MAPK4: variants seen among roughly 807,000 people sequenced by gnomAD.
MAPK4 encodes mitogen-activated protein kinase 4.
MAPK4 carries 22 observed loss-of-function variants against 47.7 expected under a neutral mutation model. The ratio of observed to expected loss-of-function variants is 0.46; its 90% CI spans 0.33 to 0.66. The LOEUF (loss-of-function observed/expected upper bound fraction) is 0.66, where lower values mean the gene tolerates loss of function less well. Among genes scored for constraint, MAPK4 ranks in the 30% least tolerant of loss-of-function variants. The pLI is 0.02. For synonymous variants in MAPK4, 390 were observed against 365.7 expected, an observed-to-expected ratio of 1.07 and a Z score of -0.76; for missense variants, 736 against 831.7, an observed-to-expected ratio of 0.88 and a Z score of 1.42.
chr18:50,707,336 G>C (rs375680458), intron 2 of MAPK4, among the ~76,000 whole-genome samples: 1 of 152,120 alleles, frequency 6.6e-6, no homozygotes, highest in African/African-American at 2.4e-5. Flanking sequence ...GGAGGCTGAG[G>C]AGGCAGGTGG....
At chr18:50,646,143 C>G (rs2042986882) in intron 1 of MAPK4, among the ~76,000 whole-genome samples, 1 of 152,166 alleles carries the variant, frequency 6.6e-6, no homozygotes, top group Non-Finnish European at 1.5e-5. Context: ...TGGCAGAGGT[C>G]AGACTTGAGC....
chr18:50,723,159 A>G (rs1911019724), intron 4 of MAPK4, among the ~76,000 whole-genome samples: 1 of 152,180 alleles, frequency 6.6e-6, no homozygotes. Context: ...ATGGATGGGC[A>G]GGGGAGGATG....
intron 2 of MAPK4, among the ~76,000 whole-genome samples, chr18:50,673,178 G>A (rs1473525176): frequency 6.6e-6 from 1 of 152,234 alleles, no homozygotes; most frequent in Non-Finnish European, 1.5e-5. Flanking sequence ...TTGGGAGGCT[G>A]AGCCAGAAGA....
At chr18:50,585,232 C>G (rs950872522) in intron 1 of MAPK4, among the ~76,000 whole-genome samples, 18 of 152,166 alleles carry the variant, frequency 1.2e-4, no homozygotes, top group Non-Finnish European at 2.4e-4. Context: ...AAAAAGCTAG[C>G]CCTGTGGTTC....
intron 1 of MAPK4, among the ~76,000 whole-genome samples, chr18:50,661,542 A>T (rs1289474123): frequency 6.6e-6 from 1 of 152,172 alleles, no homozygotes. Flanking sequence ...ATCAGAATCG[A>T]TGTTTCTCAG....
chr18:50,705,010 G>T, intron 2 of MAPK4: 1 of 373,546 alleles, frequency 2.7e-6, no homozygotes, highest in Non-Finnish European at 4.7e-6. Context: ...CCTCCAGGTT[G>T]GTCCCAGGCA....
chr18:50,690,948 T>C (rs1214058616), intron 2 of MAPK4, among the ~76,000 whole-genome samples: 1 of 152,000 alleles, frequency 6.6e-6, no homozygotes, highest in Non-Finnish European at 1.5e-5. Context: ...AACAAAAGTC[T>C]GTCTTAACTG....
Position 50,623,093 on chromosome 18 carries a change from G to T in MAPK4, c.-870-39996G>T, listed in dbSNP as rs527892471. On this transcript the variant is annotated intron_variant, in intron 1 of 5. Coordinates refer to ENST00000400384, the MANE Select transcript of MAPK4 (RefSeq NM_002747.4). ...ATAGTGTGCTTCCCTTCCAGGAGTC[G>T]AAGTAGCTCTTTGGGTATCATTTGT... Among the ~76,000 whole-genome samples, 53 of 152,360 alleles carry T rather than the reference G, an allele frequency of 3.5e-4. 2 individuals carry two copies. In the South Asian group the frequency reaches 0.011, roughly 30 times the overall value.
At chr18:50,632,679 A>G (rs1283620238) in intron 1 of MAPK4, among the ~76,000 whole-genome samples, 1 of 137,146 alleles carries the variant, frequency 7.3e-6, no homozygotes, top group Non-Finnish European at 1.5e-5. Context: ...GAGTGCAGTG[A>G]TGCAATCTCG....
intron 2 of MAPK4, among the ~76,000 whole-genome samples, chr18:50,694,458 A>G (rs1339155196): frequency 6.6e-6 from 1 of 152,162 alleles, no homozygotes; most frequent in East Asian, 1.9e-4. Context: ...CTAAGAAAGC[A>G]TGTTTATTTT....
chr18:50,640,916 T>C (rs1021969411), intron 1 of MAPK4, among the ~76,000 whole-genome samples: 9 of 152,208 alleles, frequency 5.9e-5, no homozygotes, highest in African/African-American at 2.2e-4. Flanking sequence ...TGAAGGTACC[T>C]AGAAAAATAA....
chr18:50,719,355 AAAC>A (rs146350785), intron 3 of MAPK4, among the ~76,000 whole-genome samples: 23,076 of 151,410 alleles, frequency 0.15, 1,846 homozygotes, highest in South Asian at 0.21. Flanking sequence ...GTTAAAAACA[AAAC>A]AAAAAAAAAT....
intron 2 of MAPK4, among the ~76,000 whole-genome samples, chr18:50,675,175 G>A (rs1908187796): frequency 6.6e-6 from 1 of 152,212 alleles, no homozygotes; most frequent in African/African-American, 2.4e-5. Context: ...TGGCAGCGTT[G>A]GACTGCAAAG....
chr18:50,731,624 A>G lies in MAPK4; in HGVS notation c.*1770A>G, dbSNP rs746412379. 6.6e-6 allele frequency: 1 copy of G among 152,354 alleles called. No individual in the cohort carries two copies. Among genetic ancestry groups the G allele is most frequent in the Non-Finnish European group, 1.5e-5 (1 of 68,048 alleles). The allele number at this position is 152,354 out of a possible 1,614,324, so 9.4% of individuals were successfully genotyped here. A position where few individuals can be genotyped will look rare whatever the true frequency, so the allele number is the denominator to read the frequency against. ...TTTTTTCTTTAAGAAAAAGAAATGT[A>G]CACCACTCCTCATGTGCCATTTTGT... On this transcript the variant is annotated 3_prime_UTR_variant, in exon 6 of 6. Coordinates refer to ENST00000400384, the MANE Select transcript of MAPK4 (RefSeq NM_002747.4).
chr18:50,640,867 G>C (rs3894010), intron 1 of MAPK4, among the ~76,000 whole-genome samples: 1 of 151,988 alleles, frequency 6.6e-6, no homozygotes, highest in Admixed American at 6.6e-5. Flanking sequence ...GTCAGGGAAG[G>C]AGAGGAAGGG....
chr18:50,578,658 A>G (rs2042318116), intron 1 of MAPK4, among the ~76,000 whole-genome samples: 1 of 152,224 alleles, frequency 6.6e-6, no homozygotes, highest in South Asian at 2.1e-4. Context: ...AAAATTATGA[A>G]ACACCTAATG....
intron 2 of MAPK4, among the ~76,000 whole-genome samples, chr18:50,672,240 C>A (rs1031191808): frequency 6.6e-6 from 1 of 152,076 alleles, no homozygotes; most frequent in Non-Finnish European, 1.5e-5. Flanking sequence ...CAGCCATCCG[C>A]GGAGGCTGGA....
At chr18:50,565,642 G>T (rs996155699) in intron 1 of MAPK4, among the ~76,000 whole-genome samples, 1 of 152,194 alleles carries the variant, frequency 6.6e-6, no homozygotes, top group Non-Finnish European at 1.5e-5. Flanking sequence ...ATGTGGGACT[G>T]TGAAACTGTA....
At chr18:50,719,220 C>A (rs1220139269) in intron 3 of MAPK4, among the ~76,000 whole-genome samples, 2 of 152,140 alleles carry the variant, frequency 1.3e-5, no homozygotes, top group African/African-American at 2.4e-5. Flanking sequence ...GGAGCCCCTA[C>A]AGTTTTCCCT....
Sources: allele counts gnomAD v4.1 joint callset (sites outside exome capture counted in the v4.1 genomes callset), GRCh38; gene constraint gnomAD v4.1.1; transcripts MANE v1.5; gene names NCBI Gene and HGNC (gene_info 2026-07-23, HGNC 2026-07-21).